Variants in ZSWIM5 observed in about 807,000 individuals in gnomAD.
The protein encoded by ZSWIM5 is zinc finger SWIM-type containing 5, also known as zinc finger SWIM domain-containing protein 5.
ZSWIM5 carries 55 observed loss-of-function variants against 119.6 expected under a neutral mutation model. The observed-to-expected ratio is 0.46, with a 90% CI of 0.37 to 0.58. The LOEUF (loss-of-function observed/expected upper bound fraction) is 0.58, where lower values mean the gene tolerates loss of function less well. ZSWIM5 is among the 20% of genes least tolerant of loss of function. The pLI is 0.00. For synonymous variants in ZSWIM5, 537 were observed against 606.9 expected, an observed-to-expected ratio of 0.88 and a Z score of 1.69; for missense variants, 1,193 against 1,512.8, an observed-to-expected ratio of 0.79 and a Z score of 3.51.
chr1:45,056,852 T>C (rs567130090), intron 4 of ZSWIM5, among the ~76,000 whole-genome samples: 1 of 152,200 alleles, frequency 6.6e-6, no homozygotes, highest in South Asian at 2.1e-4. Flanking sequence ...AAAGCATTAG[T>C]AGATTTGTAG....
At position 45,072,682 on chromosome 1, in the gene ZSWIM5, C is replaced by T. The variant is rs1645231371; in HGVS notation, c.953-12435G>A. On this transcript the variant is annotated intron_variant, in intron 2 of 13. Transcript: ENST00000359600. The surrounding 1 kb of genome is among the most constrained non-coding windows in gnomAD (Gnocchi z 4.1). ...AGCATCCATTTATTGAAAAAACTGT[C>T]TTTTCCCCAGTGTATGTTCTTGGCA... Among the ~76,000 whole-genome samples the T allele has an allele frequency of 6.6e-6, 1 of 151,958 alleles. No homozygotes were observed. Among genetic ancestry groups the T allele is most frequent in the Non-Finnish European group, 1.5e-5 (1 of 68,028 alleles).
At position 45,135,616 on chromosome 1, in the gene ZSWIM5, T is replaced by C. The variant is rs1561794; in HGVS notation, c.596-47379A>G. On this transcript the variant is annotated intron_variant, in intron 1 of 13. Coordinates refer to ENST00000359600, the MANE Select transcript of ZSWIM5 (RefSeq NM_020883.2). ...TCTTGATTACTTCTGAAAAAGTCTTTCATTTTCAAAGAGACACATGTCTAC... is the reference window on the plus strand; with the variant it reads ...TCTTGATTACTTCTGAAAAAGTCTTCCATTTTCAAAGAGACACATGTCTAC... Among the ~76,000 whole-genome samples the C allele has an allele frequency of 4.6e-3, 703 of 152,344 alleles. 8 individuals are homozygous for C. Among genetic ancestry groups the C allele is most frequent in the African/African-American group, 0.016 (662 of 41,568 alleles).
chr1:45,030,180 G>C (rs1644943476), intron 11 of ZSWIM5, among the ~76,000 whole-genome samples: 1 of 152,116 alleles, frequency 6.6e-6, no homozygotes, highest in Non-Finnish European at 1.5e-5. Flanking sequence ...CTGTCCTCTA[G>C]TGATCTTCCC....
At chr1:45,108,206 T>G (rs759118250) in intron 1 of ZSWIM5, among the ~76,000 whole-genome samples, 1 of 152,228 alleles carries the variant, frequency 6.6e-6, no homozygotes, top group Non-Finnish European at 1.5e-5. Flanking sequence ...ACAAGGTACA[T>G]ATGTTGCCAA....
At chr1:45,061,908 T>G (rs541931162) in intron 2 of ZSWIM5, among the ~76,000 whole-genome samples, 2 of 151,864 alleles carry the variant, frequency 1.3e-5, no homozygotes, top group African/African-American at 4.8e-5. Context: ...CTGACCAACA[T>G]GGCGAAACCC....
intron 1 of ZSWIM5, among the ~76,000 whole-genome samples, chr1:45,162,063 C>A (rs542389428): frequency 6.6e-6 from 1 of 152,210 alleles, no homozygotes; most frequent in Non-Finnish European, 1.5e-5. Context: ...AATCTCTACA[C>A]TGAGACCAGT....
intron 2 of ZSWIM5, among the ~76,000 whole-genome samples, chr1:45,060,955 G>T (rs1403912865): frequency 1.3e-5 from 2 of 152,090 alleles, no homozygotes; most frequent in Admixed American, 6.5e-5. Context: ...GGGATTATAG[G>T]CCAAAAAAAT....
At chr1:45,190,595 C>G (rs758138098) in intron 1 of ZSWIM5, among the ~76,000 whole-genome samples, 3 of 152,150 alleles carry the variant, frequency 2.0e-5, no homozygotes, top group Non-Finnish European at 4.4e-5. Flanking sequence ...ATGTAGCGCT[C>G]GGATCCTTCC....
chr1:45,121,770 G>T (rs547811918), intron 1 of ZSWIM5, among the ~76,000 whole-genome samples: 60 of 151,706 alleles, frequency 4.0e-4, no homozygotes, highest in Admixed American at 1.7e-3. Flanking sequence ...TTTTTCCTTT[G>T]TAGAGACAGG....
intron 1 of ZSWIM5, among the ~76,000 whole-genome samples, chr1:45,123,456 A>C (rs776315719): frequency 9.9e-5 from 15 of 152,208 alleles, no homozygotes; most frequent in Non-Finnish European, 1.3e-4. Context: ...ACAGAAGAAT[A>C]CAATAACTGA....
intron 1 of ZSWIM5, among the ~76,000 whole-genome samples, chr1:45,138,505 C>G (rs897237074): frequency 3.6e-5 from 2 of 54,932 alleles, no homozygotes; most frequent in African/African-American, 1.2e-4. Context: ...AACTCCATCT[C>G]AAAAAAAAAA....
Position 45,051,741 on chromosome 1 carries a change from G to C in ZSWIM5, c.1253-488C>G, listed in dbSNP as rs539288981. On this transcript the variant is annotated intron_variant, in intron 4 of 13. Coordinates refer to ENST00000359600, the MANE Select transcript of ZSWIM5 (RefSeq NM_020883.2). Reference sequence around the variant, plus strand: ...GACATGGTTGGAAGCGAGGAAGTCAGAAAAGGTTTTATTTTTTTGCTTAGC... The same window carrying C: ...GACATGGTTGGAAGCGAGGAAGTCACAAAAGGTTTTATTTTTTTGCTTAGC... Among the ~76,000 whole-genome samples the C allele has an allele frequency of 3.9e-5, 6 of 152,258 alleles. No homozygotes were observed. The South Asian group carries it at 1.2e-3, about 32-fold the overall frequency.
rs191278652 is a variant in ZSWIM5 at position 45,178,617 on chromosome 1, C to T, written c.595+27139G>A. On this transcript the variant is annotated intron_variant, in intron 1 of 13. Transcript: ENST00000359600. ...TTTTCTGTATTTAGTAAGAAATTTG[C>T]ATTTCTGATTTGATATAACAAAAGT... Among the ~76,000 whole-genome samples, 55 of 152,070 alleles carry T rather than the reference C, an allele frequency of 3.6e-4. 1 individual carries two copies. The highest frequency in any genetic ancestry group is 6.8e-3 in the Middle Eastern group (2 of 294).
chr1:45,025,771 A>G (rs1644916994), intron 11 of ZSWIM5, among the ~76,000 whole-genome samples: 1 of 152,166 alleles, frequency 6.6e-6, no homozygotes, highest in African/African-American at 2.4e-5. Flanking sequence ...AATATGTACA[A>G]TCCCTTCCTT....
At chr1:45,141,473 T>C (rs751623520) in intron 1 of ZSWIM5, among the ~76,000 whole-genome samples, 3 of 152,056 alleles carry the variant, frequency 2.0e-5, no homozygotes, top group South Asian at 2.1e-4. Context: ...TGTAGATCTG[T>C]CCAATTCAGC....
chr1:45,200,334 A>ATAGGC (rs765761490), intron 1 of ZSWIM5, among the ~76,000 whole-genome samples: 5 of 152,214 alleles, frequency 3.3e-5, no homozygotes, highest in Admixed American at 6.5e-5. Context: ...TAGCTCCATG[A>ATAGGC]TAGGCTAAAA....
intron 1 of ZSWIM5, among the ~76,000 whole-genome samples, chr1:45,140,902 T>TC (rs997133798): frequency 2.6e-5 from 4 of 152,120 alleles, no homozygotes; most frequent in African/African-American, 9.7e-5. Flanking sequence ...AGTGAGTTTA[T>TC]CCTTTTTTTT....
chr1:45,168,972 A>C (rs1645927969), intron 1 of ZSWIM5, among the ~76,000 whole-genome samples: 1 of 152,050 alleles, frequency 6.6e-6, no homozygotes, highest in African/African-American at 2.4e-5. Context: ...TAAACAACTG[A>C]ATTTGTGCTA....
At chr1:45,127,152 AG>A (rs762708374) in intron 1 of ZSWIM5, among the ~76,000 whole-genome samples, 13 of 152,312 alleles carry the variant, frequency 8.5e-5, no homozygotes, top group Non-Finnish European at 1.8e-4. Flanking sequence ...ATATATAAAA[AG>A]AATAGTACAC....
Sources: allele counts gnomAD v4.1 joint callset (sites outside exome capture counted in the v4.1 genomes callset), GRCh38; gene constraint gnomAD v4.1.1; non-coding constraint Gnocchi (gnomAD v3.1); transcripts MANE v1.5; gene names NCBI Gene and HGNC (gene_info 2026-07-23, HGNC 2026-07-21).